The following DGKH variants were observed in gnomAD, a reference collection of about 807,000 sequenced individuals.
The protein encoded by DGKH is diacylglycerol kinase eta, also known as DAG kinase eta.
In DGKH, 90 loss-of-function variants were observed where a neutral mutation model predicts 159.3. The ratio of observed to expected loss-of-function variants is 0.57; its 90% CI spans 0.48 to 0.67. The LOEUF is 0.67. Ranked by LOEUF, DGKH falls within the 30% of genes least tolerant of loss-of-function variation. The probability of loss-of-function intolerance (pLI) is 0.00; values close to 1 mark genes in which losing one functional copy is unlikely to be tolerated. For missense variants in DGKH, 1,181 were observed against 1,506.1 expected (o/e 0.78, Z 3.57); for synonymous variants, 536 against 553.8 (o/e 0.97, Z 0.45).
intron 3 of DGKH, among the ~76,000 whole-genome samples, chr13:42,131,938 G>A (rs1167505449): frequency 2.0e-5 from 3 of 152,154 alleles, no homozygotes; most frequent in Admixed American, 2.0e-4. Flanking sequence ...GGAGACCTAA[G>A]GCCAAAACCT....
intron 30 of DGKH, among the ~76,000 whole-genome samples, chr13:42,253,423 A>G (rs542045097): frequency 6.6e-6 from 1 of 152,324 alleles, no homozygotes; most frequent in Non-Finnish European, 1.5e-5. Context: ...CAGCTTCCAG[A>G]GCTGAAAGTG....
intron 1 of DGKH, among the ~76,000 whole-genome samples, chr13:42,058,605 A>G (rs770838743): frequency 5.9e-5 from 9 of 152,222 alleles, no homozygotes; most frequent in Non-Finnish European, 1.2e-4. Flanking sequence ...GACCTCAGAC[A>G]TGTTACTTAA....
In DGKH at chr13:42,216,365, C is replaced by G. The variant is rs77803640; in HGVS notation, c.3213+698C>G. ...CATGCTGTTATCACTGTGTGGAAGGCCTAATTCATTTGCTGTTTTTTTATT... is the reference window on the plus strand; with the variant it reads ...CATGCTGTTATCACTGTGTGGAAGGGCTAATTCATTTGCTGTTTTTTTATT... On this transcript the variant is annotated intron_variant, in intron 26 of 29. Transcript: ENST00000337343. 9.5e-4 allele frequency among the ~76,000 whole-genome samples: 144 copies of G among 152,214 alleles called. 1 individual carries two copies. The East Asian group carries it at 0.027, about 28-fold the overall frequency.
chr13:42,159,403 C>T (rs373450569), intron 6 of DGKH, 31 bp downstream of exon 6: 553 of 1,397,622 alleles, frequency 4.0e-4, no homozygotes, highest in Non-Finnish European at 5.3e-4. Context: ...TGCTCTCTTC[C>T]CACTAACTCC....
chr13:42,070,700 A>G, intron 1 of DGKH: 4 of 1,612,106 alleles, frequency 2.5e-6, no homozygotes, highest in Non-Finnish European at 3.4e-6. Context: ...TGATACATGA[A>G]AAGCCTGGCA....
chr13:42,088,974 AT>A (rs2137740894), intron 1 of DGKH, among the ~76,000 whole-genome samples: 2 of 152,356 alleles, frequency 1.3e-5, no homozygotes, highest in South Asian at 4.1e-4. Context: ...TGTTATATTA[AT>A]ATCAGACAAA....
intron 1 of DGKH, among the ~76,000 whole-genome samples, chr13:42,078,044 A>G (rs2137711473): frequency 1.3e-5 from 2 of 152,352 alleles, no homozygotes; most frequent in Middle Eastern, 6.8e-3. Flanking sequence ...ACATCTTGTT[A>G]TATAGTTGCT....
intron 1 of DGKH, among the ~76,000 whole-genome samples, chr13:42,108,972 A>C (rs1954811726): frequency 6.6e-6 from 1 of 152,242 alleles, no homozygotes; most frequent in African/African-American, 2.4e-5. Flanking sequence ...AAAAGTTGTT[A>C]TTTTTAAAAA....
At chr13:42,070,050 A>C (rs1398035435) in intron 1 of DGKH, 2 of 929,584 alleles carry the variant, frequency 2.2e-6, no homozygotes, top group African/African-American at 1.6e-5. Flanking sequence ...TGTGACTGTG[A>C]GTTTCATCCA....
intron 3 of DGKH, among the ~76,000 whole-genome samples, chr13:42,136,293 T>C (rs1955401835): frequency 6.6e-6 from 1 of 152,248 alleles, no homozygotes; most frequent in Non-Finnish European, 1.5e-5. Context: ...CATTCCATGC[T>C]GCTTATCTTT....
At chr13:42,121,066 T>TACACACACACACACACACACACACAC (rs377628213) in intron 1 of DGKH, among the ~76,000 whole-genome samples, 2 of 144,734 alleles carry the variant, frequency 1.4e-5, no homozygotes, top group African/African-American at 2.5e-5. Flanking sequence ...ATATATATTA[T>TACACACACACACACACACACACACAC]ACACACACAC....
chr13:42,186,087 A>C (rs1181379124), intron 13 of DGKH, among the ~76,000 whole-genome samples: 1 of 151,640 alleles, frequency 6.6e-6, no homozygotes, highest in African/African-American at 2.4e-5. Flanking sequence ...AGTTCATAAT[A>C]CTGAAGTATA....
intron 24 of DGKH, among the ~76,000 whole-genome samples, chr13:42,213,742 C>CA (rs370560967): frequency 6.3e-4 from 95 of 151,872 alleles, no homozygotes; most frequent in Middle Eastern, 3.4e-3. Context: ...CTGTCAGAAG[C>CA]AAAAAAAACA....
At chr13:42,244,526 C>G (rs1180377297), downstream of DGKH, among the ~76,000 whole-genome samples, 4 of 152,236 alleles carry the variant, frequency 2.6e-5, no homozygotes, top group African/African-American at 9.6e-5. Flanking sequence ...ATGCCAGCAT[C>G]ACTGAGCAGA....
At chr13:42,246,576 G>C (rs996382504), downstream of DGKH, among the ~76,000 whole-genome samples, 2 of 152,168 alleles carry the variant, frequency 1.3e-5, no homozygotes, top group Admixed American at 1.3e-4. Context: ...CACCCTTGGA[G>C]TTGGGTCTAC....
chr13:42,247,384 C>A (rs556959036), downstream of DGKH, among the ~76,000 whole-genome samples: 1 of 152,140 alleles, frequency 6.6e-6, no homozygotes, highest in South Asian at 2.1e-4. Context: ...GTGTGCGCCA[C>A]CATGCCCTGC....
rs1192335090 is a variant in DGKH at position 42,240,688 on chromosome 13, A to G, written c.*11500A>G. The G allele has an allele frequency of 1.3e-5, 2 of 152,190 alleles. No homozygotes were observed. Among genetic ancestry groups the G allele is most frequent in the African/African-American group, 4.8e-5 (2 of 41,446 alleles). 9.4% of individuals were successfully genotyped at this position (152,190 alleles called of 1,614,324 possible). On this transcript the variant is annotated 3_prime_UTR_variant, in exon 30 of 30. Coordinates refer to ENST00000337343, the MANE Select transcript of DGKH (RefSeq NM_178009.5). ...TTGTGACTCTTATCACCCTCTATAG[A>G]ATATAAAGACTAAAAATAAAAACTA...
intron 1 of DGKH, among the ~76,000 whole-genome samples, chr13:42,043,090 T>C (rs1045841213): frequency 6.6e-6 from 1 of 152,124 alleles, no homozygotes; most frequent in African/African-American, 2.4e-5. Context: ...TTTTTTGGGG[T>C]CAGCAATCCC....
chr13:42,084,381 T>G (rs1266041122), intron 1 of DGKH, among the ~76,000 whole-genome samples: 3 of 152,294 alleles, frequency 2.0e-5, no homozygotes, highest in African/African-American at 7.2e-5. Context: ...TAGGAAATGA[T>G]CCCATCTGCT....
Sources: allele counts gnomAD v4.1 joint callset (sites outside exome capture counted in the v4.1 genomes callset), GRCh38; gene constraint gnomAD v4.1.1; transcripts MANE v1.5; gene names NCBI Gene and HGNC (gene_info 2026-07-23, HGNC 2026-07-21).